TADA3: variants seen among roughly 807,000 people sequenced by gnomAD.
TADA3 encodes transcriptional adapter 3.
In TADA3, 25 loss-of-function variants were observed where a neutral mutation model predicts 43.2. That is an observed-to-expected ratio of 0.58 (90% CI 0.42 to 0.81). TADA3 has a LOEUF of 0.81. Among genes scored for constraint, TADA3 ranks in the 30% least tolerant of loss-of-function variants. TADA3 has a pLI of 0.00. For missense variants in TADA3, 441 were observed against 567.8 expected, an observed-to-expected ratio of 0.78 and a Z score of 2.27; for synonymous variants, 235 against 225.5, an observed-to-expected ratio of 1.04 and a Z score of -0.38.
chr3:9,783,955 C>A (rs1056467750), intron 8 of TADA3, 73 bp downstream of exon 8: 2 of 1,503,960 alleles, frequency 1.3e-6, no homozygotes, highest in South Asian at 1.3e-5. Context: ...GTTGTAAAAC[C>A]CCTGAAAGGT....
chr3:9,781,312 AAC>A (rs141783227), intron 8 of TADA3, among the ~76,000 whole-genome samples: 3 of 151,074 alleles, frequency 2.0e-5, no homozygotes, highest in Non-Finnish European at 4.4e-5. Flanking sequence ...CACACACACA[AAC>A]ACACACACAC....
At chr3:9,784,729 G>T (rs975497206) in intron 7 of TADA3, among the ~76,000 whole-genome samples, 2 of 151,956 alleles carry the variant, frequency 1.3e-5, no homozygotes, top group African/African-American at 4.8e-5. Flanking sequence ...GCCATACATG[G>T]TGGCAGGCGC....
intron 4 of TADA3, 30 bp from the exon 5 acceptor site, chr3:9,787,370 T>C (rs746773786): frequency 3.2e-6 from 5 of 1,587,016 alleles, no homozygotes; most frequent in East Asian, 2.2e-5. Context: ...CAACCCTGAG[T>C]GGGTAAGCAC....
chr3:9,781,670 G>A (rs2078469279), intron 8 of TADA3: 1 of 435,182 alleles, frequency 2.3e-6, no homozygotes, highest in Non-Finnish European at 4.8e-6. Context: ...GGTGGAGCTG[G>A]AAGGTCACTT....
chr3:9,785,291 G>A (rs750432845), intron 7 of TADA3, 25 bp downstream of exon 7: 1 of 1,569,074 alleles, frequency 6.4e-7, no homozygotes, highest in South Asian at 1.1e-5. Context: ...GCCAGACTGT[G>A]GGTTGTGGAT....
intron 4 of TADA3, chr3:9,787,829 AAG>A (rs2078652149): frequency 1.3e-6 from 1 of 745,254 alleles, no homozygotes; most frequent in Admixed American, 2.4e-5. Flanking sequence ...GGGAATCTGA[AAG>A]AGTGCTTTGG....
intron 8 of TADA3, 93 bp downstream of exon 8, chr3:9,783,935 T>C: frequency 2.1e-6 from 3 of 1,451,428 alleles, no homozygotes; most frequent in East Asian, 5.1e-5. Context: ...CAGCCAGGAT[T>C]GGAAAGCCTG....
intron 8 of TADA3, among the ~76,000 whole-genome samples, chr3:9,781,992 G>A (rs2078480359): frequency 6.6e-6 from 1 of 151,874 alleles, no homozygotes; most frequent in African/African-American, 2.4e-5. Flanking sequence ...GTGCCACCAT[G>A]CCTAGCTGAT....
intron 7 of TADA3, 46 bp downstream of exon 7, chr3:9,785,270 C>A: frequency 1.3e-6 from 2 of 1,499,266 alleles, no homozygotes; most frequent in Non-Finnish European, 1.8e-6. Context: ...GAGAAGCCAA[C>A]AGAAGCGGGG....
At chr3:9,789,191 AAG>A (rs1490645786) in intron 4 of TADA3, among the ~76,000 whole-genome samples, 2 of 152,192 alleles carry the variant, frequency 1.3e-5, no homozygotes, top group Non-Finnish European at 2.9e-5. Context: ...TCGAAACAGG[AAG>A]AGAGTTAAGA....
At chr3:9,780,601 AC>A in intron 8 of TADA3, 52 bp from the exon 9 acceptor site, 1 of 1,523,722 alleles carries the variant, frequency 6.6e-7, no homozygotes, top group Non-Finnish European at 8.8e-7. Flanking sequence ...CCAGAGAACA[AC>A]CCCTCCCTCT....
intron 4 of TADA3, 127 bp from the exon 5 acceptor site, chr3:9,787,467 T>C: frequency 1.5e-6 from 2 of 1,348,192 alleles, no homozygotes; most frequent in Non-Finnish European, 2.0e-6. Flanking sequence ...CAGTGTCAGG[T>C]GTAGGTAAGA....
In TADA3 at chr3:9,781,168, G is replaced by A. The variant is rs191264890; in HGVS notation, c.1107-619C>T. ...GTCTTAAAAATATACACAGTAGGCT[G>A]GGCAAAGTAGCTCATGCCTGTAATC... On this transcript the variant is annotated intron_variant, in intron 8 of 8. Coordinates refer to ENST00000301964, the MANE Select transcript of TADA3 (RefSeq NM_006354.5). Among the ~76,000 whole-genome samples the A allele has an allele frequency of 1.9e-4, 29 of 152,130 alleles. 1 individual carries two copies. In the East Asian group the frequency reaches 4.4e-3, roughly 23 times the overall value.
chr3:9,780,656 GA>G (rs1317255268), intron 8 of TADA3, 107 bp from the exon 9 acceptor site: 19 of 1,201,240 alleles, frequency 1.6e-5, no homozygotes, highest in Non-Finnish European at 2.2e-5. Context: ...CATGCCTGTG[GA>G]TTGTGTCATA....
upstream of TADA3, chr3:9,792,993 C>T: frequency 6.8e-7 from 1 of 1,473,434 alleles, no homozygotes; most frequent in Non-Finnish European, 9.0e-7. Context: ...CTCTCTACCC[C>T]GCTCGGAGCA....
chr3:9,787,490 G>A (rs558997243), intron 4 of TADA3, 150 bp from the exon 5 acceptor site: 1 of 1,161,348 alleles, frequency 8.6e-7, no homozygotes, highest in Non-Finnish European at 1.2e-6. Flanking sequence ...GTACAACGAA[G>A]ATAAAACCTG....
chr3:9,789,128 T>G (rs1039651856), intron 4 of TADA3, among the ~76,000 whole-genome samples: 1 of 152,122 alleles, frequency 6.6e-6, no homozygotes, highest in African/African-American at 2.4e-5. Flanking sequence ...AAGCCACTGC[T>G]CCCAGCCCAA....
chr3:9,782,894 C>T (rs535911837), intron 8 of TADA3, among the ~76,000 whole-genome samples: 12 of 152,036 alleles, frequency 7.9e-5, no homozygotes, highest in South Asian at 2.1e-4. Flanking sequence ...GAGACTTGTT[C>T]GGGTTGCTTC....
intron 4 of TADA3, among the ~76,000 whole-genome samples, chr3:9,788,736 C>T (rs182599494): frequency 2.7e-4 from 41 of 152,006 alleles, no homozygotes; most frequent in Admixed American, 9.8e-4. Flanking sequence ...GACGGCGTTT[C>T]ACCATGTTGG....
Sources: allele counts gnomAD v4.1 joint callset (sites outside exome capture counted in the v4.1 genomes callset), GRCh38; gene constraint gnomAD v4.1.1; transcripts MANE v1.5; gene names NCBI Gene and HGNC (gene_info 2026-07-23, HGNC 2026-07-21).